TMEM130: variants seen among roughly 807,000 people sequenced by gnomAD.
TMEM130 encodes the protein transmembrane protein 130.
In TMEM130, 37 loss-of-function variants were observed where a neutral mutation model predicts 42.9. The observed-to-expected ratio is 0.86, with a 90% CI of 0.66 to 1.13. The LOEUF is 1.13. Among genes scored for constraint, TMEM130 ranks in the 50% most tolerant of loss-of-function variants. TMEM130 has a pLI of 0.00. For synonymous variants in TMEM130, 259 were observed against 237.7 expected (o/e 1.09, Z -0.82); for missense variants, 545 against 562.6 (o/e 0.97, Z 0.32).
At chr7:98,848,234 A>AAATC in intron 7 of TMEM130, 26 bp from the exon 8 acceptor site, 1 of 1,613,718 alleles carries the variant, frequency 6.2e-7, no homozygotes. Flanking sequence ...GGAAAAGTCA[A>AAATC]AATCAGCCAC....
At chr7:98,848,444 G>T (rs1259382966) in intron 7 of TMEM130, 139 bp downstream of exon 7, 7 of 765,016 alleles carry the variant, frequency 9.2e-6, no homozygotes, top group Non-Finnish European at 1.5e-5. Context: ...TGCCTCTTGG[G>T]CACATCACCC....
At chr7:98,854,172 G>C (rs1035581998) in intron 5 of TMEM130, among the ~76,000 whole-genome samples, 1 of 151,636 alleles carries the variant, frequency 6.6e-6, no homozygotes, top group Non-Finnish European at 1.5e-5. Context: ...CGAGTAGCTC[G>C]AATTACAGGC....
intron 5 of TMEM130, among the ~76,000 whole-genome samples, chr7:98,854,378 C>A (rs987261818): frequency 7.6e-6 from 1 of 132,178 alleles, no homozygotes; most frequent in Non-Finnish European, 1.7e-5. Flanking sequence ...TCCCTCCCAA[C>A]CTTTGTCTCC....
chr7:98,867,819 CT>C (rs1794943197), intron 1 of TMEM130, among the ~76,000 whole-genome samples: 1 of 152,220 alleles, frequency 6.6e-6, no homozygotes, highest in South Asian at 2.1e-4. Context: ...GATGCTGCCC[CT>C]GTTCCTCAGG....
At chr7:98,868,562 G>C (rs1325045438) in intron 1 of TMEM130, among the ~76,000 whole-genome samples, 1 of 152,128 alleles carries the variant, frequency 6.6e-6, no homozygotes, top group Non-Finnish European at 1.5e-5. Context: ...TAATAGTCCA[G>C]TACATGGACT....
intron 7 of TMEM130, 57 bp from the exon 8 acceptor site, chr7:98,848,265 C>G (rs371312859): frequency 6.2e-7 from 1 of 1,605,666 alleles, no homozygotes; most frequent in East Asian, 2.2e-5. Context: ...CAAAATCCCA[C>G]GGGTCAATCA....
In TMEM130 at chr7:98,846,719, A is replaced by C. The variant is rs530603912; in HGVS notation, c.*1337T>G. 8 of 152,304 alleles carry C rather than the reference A, an allele frequency of 5.3e-5. No individual in the cohort carries two copies. Among genetic ancestry groups the C allele is most frequent in the African/African-American group, 1.7e-4 (7 of 41,546 alleles). 9.4% of individuals were successfully genotyped at this position (152,304 alleles called of 1,614,324 possible). A position where few individuals can be genotyped will look rare whatever the true frequency, so the allele number is the denominator to read the frequency against. Reference sequence around the variant, plus strand: ...CCACAGCCCAGGTCGCTGGGCCAGAAGGGAGGGTGCAGGCTGGTTCCGCTG... The same window carrying C: ...CCACAGCCCAGGTCGCTGGGCCAGACGGGAGGGTGCAGGCTGGTTCCGCTG... On this transcript the variant is annotated 3_prime_UTR_variant, in exon 8 of 8. Transcript: ENST00000339375.
At chr7:98,861,408 T>G (rs1794768437) in intron 2 of TMEM130, among the ~76,000 whole-genome samples, 1 of 150,910 alleles carries the variant, frequency 6.6e-6, no homozygotes, top group Non-Finnish European at 1.5e-5. Flanking sequence ...GTCCTATGTC[T>G]ACTTCTCTAA....
intron 3 of TMEM130, among the ~76,000 whole-genome samples, chr7:98,859,824 G>A (rs1022688403): frequency 6.6e-6 from 1 of 152,048 alleles, no homozygotes; most frequent in Middle Eastern, 3.4e-3. Context: ...GCCAAGACAG[G>A]CACATCACTT....
intron 2 of TMEM130, among the ~76,000 whole-genome samples, chr7:98,862,060 G>A (rs571266341): frequency 6.6e-6 from 1 of 152,202 alleles, no homozygotes; most frequent in South Asian, 2.1e-4. Flanking sequence ...ATCTCCTCAT[G>A]GTTGCTCACT....
chr7:98,858,941 AGGGAGGGAAG>A (rs1160774968), intron 3 of TMEM130, among the ~76,000 whole-genome samples: 3 of 70,562 alleles, frequency 4.3e-5, no homozygotes, highest in African/African-American at 1.7e-4. Context: ...GGAGGAAGGG[AGGGAGGGAAG>A]GGGAGGGGAG....
chr7:98,851,593 C>CT lies in TMEM130; in HGVS notation c.833dup (p.Pro279AlafsTer2). On this transcript the variant is annotated frameshift_variant, in exon 6 of 8. Transcript: ENST00000339375. LOFTEE classifies it high-confidence loss of function. Reference sequence around the variant, plus strand: ...CTTCCTCCAGCGGGAGGCACTCAGGCTTGAGACGCCAGCACACAGTCAGAG... The same window carrying CT: ...CTTCCTCCAGCGGGAGGCACTCAGGCTTTGAGACGCCAGCACACAGTCAGAG... The CT allele has an allele frequency of 6.2e-7, 1 of 1,613,456 alleles. No individual in the cohort carries two copies. Among genetic ancestry groups the CT allele is most frequent in the Non-Finnish European group, 8.5e-7 (1 of 1,179,632 alleles).
At position 98,860,347 on chromosome 7, in the gene TMEM130, G is replaced by A. The variant is rs1794741082; in HGVS notation, c.392-9C>T. On this transcript the variant is annotated splice_polypyrimidine_tract_variant and intron_variant, in intron 2 of 7. Transcript: ENST00000339375. ...GTCCCCCACGAGGAACTCTGGGAGA[G>A]AGAGAGACACGGGAGGGTGAGTCTT... 2.5e-6 allele frequency: 4 copies of A among 1,581,922 alleles called. No individual in the cohort carries two copies. Among genetic ancestry groups the A allele is most frequent in the Non-Finnish European group, 3.4e-6 (4 of 1,161,300 alleles).
Position 98,856,098 on chromosome 7 carries a change from C to G in TMEM130, c.637G>C (p.Glu213Gln). Reference sequence around the variant, plus strand: ...GCATCCGGCTCCACCTCTTCCCACTCCGCCACCACTTTGAGCTTCACGGTG... The same window carrying G: ...GCATCCGGCTCCACCTCTTCCCACTGCGCCACCACTTTGAGCTTCACGGTG... ...TFTVKLKVVAEWEEVEPDATR... is the reference protein window; with the variant it reads ...TFTVKLKVVAQWEEVEPDATR... Residue 213 changes from glutamate to glutamine, a missense_variant, in exon 4 of 8, where the codon GAG becomes CAG. Glu to Gln is a conservative substitution (Grantham distance 29, BLOSUM62 2). Coordinates refer to ENST00000339375, the MANE Select transcript of TMEM130 (RefSeq NM_152913.3). 6.2e-7 allele frequency: 1 copy of G among 1,614,034 alleles called. No individual in the cohort carries two copies. Among genetic ancestry groups the G allele is most frequent in the East Asian group, 2.2e-5 (1 of 44,886 alleles).
At position 98,856,007 on chromosome 7, in the gene TMEM130, G is replaced by A. The variant is rs1554398919; in HGVS notation, c.718+10C>T. On this transcript the variant is annotated intron_variant, in intron 4 of 7. Transcript: ENST00000339375. Reference sequence around the variant, plus strand: ...ACGCCCAGACTGCATCAGCCTGCCTGGACACCCACCCTGCAGCTTCAGCGA... The same window carrying A: ...ACGCCCAGACTGCATCAGCCTGCCTAGACACCCACCCTGCAGCTTCAGCGA... 1 of 1,611,430 alleles carries A rather than the reference G, an allele frequency of 6.2e-7. No homozygotes were observed. The highest frequency in any genetic ancestry group is 2.2e-5 in the East Asian group (1 of 44,882).
intron 3 of TMEM130, among the ~76,000 whole-genome samples, chr7:98,859,875 A>T (rs1794718861): frequency 2.0e-5 from 3 of 151,772 alleles, no homozygotes; most frequent in South Asian, 2.1e-4. Context: ...ACATGGTGAA[A>T]CCCCATCTCT....
chr7:98,865,557 A>G (rs959850758), intron 1 of TMEM130, among the ~76,000 whole-genome samples: 3 of 152,080 alleles, frequency 2.0e-5, no homozygotes, highest in African/African-American at 7.2e-5. Context: ...GCAGTGAGCC[A>G]AGATTGCGCC....
At position 98,851,611 on chromosome 7, in the gene TMEM130, A is replaced by G; in HGVS notation, c.816T>C (p.Thr272=). 1 of 1,611,824 alleles carries G rather than the reference A, an allele frequency of 6.2e-7. No homozygotes were observed. The highest frequency in any genetic ancestry group is 8.5e-7 in the Non-Finnish European group (1 of 1,178,576). The change falls in exon 6 of 8, where the codon ACT becomes ACC. Residue 272 remains threonine (T), a synonymous_variant. Coordinates refer to ENST00000339375, the MANE Select transcript of TMEM130 (RefSeq NM_152913.3). ...ACTCAGGCTTGAGACGCCAGCACAC[A>G]GTCAGAGGAGGGCTGCAGGGAAATG... is the stretch of plus-strand genomic sequence containing the variant. ...TLNFLGSPPL[T]VCWRLKPECL... is the part of the protein sequence containing the mutation.
At chr7:98,862,971 C>T in intron 2 of TMEM130, 124 bp downstream of exon 2, 3 of 1,024,154 alleles carry the variant, frequency 2.9e-6, no homozygotes, top group Non-Finnish European at 4.1e-6. Context: ...GGGAAGGAAC[C>T]TACGGGCCTA....
Sources: allele counts gnomAD v4.1 joint callset (sites outside exome capture counted in the v4.1 genomes callset), GRCh38; gene constraint gnomAD v4.1.1; transcripts MANE v1.5; gene names NCBI Gene and HGNC (gene_info 2026-07-23, HGNC 2026-07-21).